The following MYT1L variants were observed in gnomAD, a reference collection of about 807,000 sequenced individuals.
The protein encoded by MYT1L is myelin transcription factor 1-like protein.
A neutral mutation model predicts 126.7 loss-of-function variants in MYT1L; 12 were observed. That is an observed-to-expected ratio of 0.09 (90% CI 0.06 to 0.15). The LOEUF (loss-of-function observed/expected upper bound fraction) is 0.15, where lower values mean the gene tolerates loss of function less well. Among genes scored for constraint, MYT1L ranks in the 10% least tolerant of loss-of-function variants. The probability of loss-of-function intolerance (pLI) is 1.00; values close to 1 mark genes in which losing one functional copy is unlikely to be tolerated. For synonymous variants in MYT1L, 541 were observed against 604.2 expected (o/e 0.90, Z 1.53); for missense variants, 979 against 1,585.2 (o/e 0.62, Z 6.49).
At chr2:1,957,202 C>T (rs1309244339) in intron 8 of MYT1L, among the ~76,000 whole-genome samples, 1 of 152,188 alleles carries the variant, frequency 6.6e-6, no homozygotes, top group African/African-American at 2.4e-5. Context: ...GCATGTCTAT[C>T]CATCTATCAT....
chr2:2,293,988 G>A lies in MYT1L; in HGVS notation c.-520-9485C>T, dbSNP rs569146755. ...CACGGGGGGCAGGACAGGGCCCCCC[G>A]CTTTCAGTGGAATTGGATGGTCTTG... On this transcript the variant is annotated intron_variant, in intron 1 of 24. Transcript: ENST00000647738. 6.4e-4 allele frequency among the ~76,000 whole-genome samples: 97 copies of A among 152,260 alleles called. 1 individual carries two copies. Among genetic ancestry groups the A allele is most frequent in the African/African-American group, 2.2e-3 (91 of 41,564 alleles).
chr2:2,301,745 T>C (rs1406442785), intron 1 of MYT1L, among the ~76,000 whole-genome samples: 2 of 151,290 alleles, frequency 1.3e-5, no homozygotes, highest in African/African-American at 4.9e-5. Context: ...GCTAATTGCT[T>C]GAGCCCAGGA....
chr2:2,250,940 T>C lies in MYT1L; in HGVS notation c.-421+33464A>G, dbSNP rs143499288. Among the ~76,000 whole-genome samples, 761 of 152,248 alleles carry C rather than the reference T, an allele frequency of 5.0e-3. 9 individuals carry two copies. Among genetic ancestry groups the C allele is most frequent in the African/African-American group, 0.018 (732 of 41,558 alleles). ...AATTAATTATAGCATGATTTATAAT[T>C]AAAAAATGTTTAAAATTAGAAAATG... On this transcript the variant is annotated intron_variant, in intron 2 of 24. Transcript: ENST00000647738.
At chr2:2,266,925 C>T (rs921220772) in intron 2 of MYT1L, among the ~76,000 whole-genome samples, 2 of 152,212 alleles carry the variant, frequency 1.3e-5, no homozygotes, top group East Asian at 1.9e-4. Flanking sequence ...TCCATTAAAG[C>T]TCTTTCCTTT....
At chr2:1,918,929 G>A (rs887021660) in intron 10 of MYT1L, among the ~76,000 whole-genome samples, 2 of 152,140 alleles carry the variant, frequency 1.3e-5, no homozygotes, top group Admixed American at 6.5e-5. Context: ...ATAAATTACT[G>A]TAGATATAAA....
chr2:1,809,903 C>A (rs1281045226), intron 21 of MYT1L: 1 of 152,318 alleles, frequency 6.6e-6, no homozygotes, highest in East Asian at 1.9e-4. Context: ...GCCTCCTTTT[C>A]TGTCCTGTTG....
At chr2:1,808,099 G>A (rs540358138) in intron 22 of MYT1L, among the ~76,000 whole-genome samples, 1 of 152,310 alleles carries the variant, frequency 6.6e-6, no homozygotes, top group South Asian at 2.1e-4. Flanking sequence ...GACCTCCCCA[G>A]CCATGTGGAG....
intron 3 of MYT1L, among the ~76,000 whole-genome samples, chr2:2,122,319 T>A (rs570051641): frequency 1.1e-4 from 17 of 152,246 alleles, no homozygotes; most frequent in Admixed American, 2.6e-4. Flanking sequence ...CCCTCTCTCC[T>A]GGGGACTCTC....
At chr2:2,074,184 C>T (rs919003013) in intron 3 of MYT1L, among the ~76,000 whole-genome samples, 1 of 152,198 alleles carries the variant, frequency 6.6e-6, no homozygotes, top group Non-Finnish European at 1.5e-5. Context: ...AGAGAAATTT[C>T]TACCTTCCAG....
At chr2:1,936,586 T>C (rs879499384) in intron 9 of MYT1L, among the ~76,000 whole-genome samples, 3 of 152,204 alleles carry the variant, frequency 2.0e-5, no homozygotes, top group Non-Finnish European at 4.4e-5. Flanking sequence ...ACCAAACATA[T>C]GATCTTTGTT....
intron 3 of MYT1L, among the ~76,000 whole-genome samples, chr2:2,057,290 G>A (rs1396891915): frequency 6.6e-6 from 1 of 151,590 alleles, no homozygotes; most frequent in African/African-American, 2.4e-5. Flanking sequence ...TCATAGCCAC[G>A]CCCAGCCTTT....
chr2:1,880,643 C>T (rs935749853), intron 18 of MYT1L, among the ~76,000 whole-genome samples: 1 of 152,180 alleles, frequency 6.6e-6, no homozygotes, highest in Non-Finnish European at 1.5e-5. Context: ...TCAGTGGTAA[C>T]AGGTATTGAA....
intron 4 of MYT1L, among the ~76,000 whole-genome samples, chr2:2,004,905 T>C (rs2063027544): frequency 1.3e-5 from 2 of 151,688 alleles, no homozygotes; most frequent in South Asian, 4.2e-4. Context: ...TGTTCTTTCC[T>C]GCATGCGTTC....
At chr2:2,066,026 C>T (rs2071230990) in intron 3 of MYT1L, among the ~76,000 whole-genome samples, 2 of 152,130 alleles carry the variant, frequency 1.3e-5, no homozygotes, top group African/African-American at 4.8e-5. Flanking sequence ...TGACGTTTTT[C>T]ACACCAGCCC....
intron 21 of MYT1L, among the ~76,000 whole-genome samples, chr2:1,819,052 T>A (rs1486863337): frequency 6.6e-6 from 1 of 152,004 alleles, no homozygotes; most frequent in East Asian, 1.9e-4. Flanking sequence ...TCCACCTGCC[T>A]CAGGAAACAA....
Position 2,130,184 on chromosome 2 carries a change from G to A in MYT1L, c.-304+42688C>T, listed in dbSNP as rs73913204. Among the ~76,000 whole-genome samples, 1,399 of 151,822 alleles carry A rather than the reference G, an allele frequency of 9.2e-3. 21 individuals are homozygous for A. The highest frequency in any genetic ancestry group is 0.027 in the African/African-American group (1,112 of 41,368). On this transcript the variant is annotated intron_variant, in intron 3 of 24. Coordinates refer to ENST00000647738, the MANE Select transcript of MYT1L (RefSeq NM_001303052.2). ...CAGTATAAAAGGGGTTCCGAATAGG[G>A]ACGGCAAGTCACAGAGGTAGCAGCA...
intron 2 of MYT1L, among the ~76,000 whole-genome samples, chr2:2,242,357 C>A (rs59952520): frequency 6.6e-6 from 1 of 152,176 alleles, no homozygotes; most frequent in South Asian, 2.1e-4. Context: ...GTTAACAACA[C>A]GTAAAGCGCA....
intron 1 of MYT1L, among the ~76,000 whole-genome samples, chr2:2,320,757 C>A (rs2096149602): frequency 6.6e-6 from 1 of 152,188 alleles, no homozygotes; most frequent in South Asian, 2.1e-4. Context: ...TACAAGTGGT[C>A]TCTGTCTCAT....
chr2:2,005,951 C>T (rs571730691), intron 4 of MYT1L, among the ~76,000 whole-genome samples: 2 of 150,568 alleles, frequency 1.3e-5, no homozygotes, highest in Admixed American at 1.3e-4. Context: ...TGTGTTCTTT[C>T]CTGAATGCGT....
Sources: allele counts gnomAD v4.1 joint callset (sites outside exome capture counted in the v4.1 genomes callset), GRCh38; gene constraint gnomAD v4.1.1; transcripts MANE v1.5; gene names NCBI Gene and HGNC (gene_info 2026-07-23, HGNC 2026-07-21).